Variants in FGF2 observed in about 807,000 individuals in gnomAD.
FGF2 encodes the protein basic fibroblast growth factor bFGF.
FGF2 carries 13 observed loss-of-function variants against 15.9 expected under a neutral mutation model. That is an observed-to-expected ratio of 0.82 (90% confidence interval 0.53 to 1.30). FGF2 has a LOEUF of 1.30. Ranked by LOEUF, FGF2 falls within the 50% of genes most tolerant of loss-of-function variation. The probability of loss-of-function intolerance (pLI) is 0.00; values close to 1 mark genes in which losing one functional copy is unlikely to be tolerated. For missense variants in FGF2, 163 were observed against 196.9 expected (o/e 0.83, Z 1.03); for synonymous variants, 90 against 78.4 (o/e 1.15, Z -0.78).
intron 1 of FGF2, among the ~76,000 whole-genome samples, chr4:122,851,158 G>T (rs952122073): frequency 2.6e-5 from 4 of 152,134 alleles, no homozygotes; most frequent in African/African-American, 9.7e-5. Context: ...TAACAGAGTG[G>T]CATGCTTCAA....
intron 1 of FGF2, among the ~76,000 whole-genome samples, chr4:122,855,254 A>G (rs539858548): frequency 6.6e-6 from 1 of 152,344 alleles, no homozygotes; most frequent in Admixed American, 6.5e-5. Flanking sequence ...GAATTTGCCA[A>G]GAAAAGGCTA....
intron 2 of FGF2, among the ~76,000 whole-genome samples, chr4:122,883,462 A>G (rs575449593): frequency 3.3e-5 from 5 of 152,234 alleles, no homozygotes; most frequent in Non-Finnish European, 7.3e-5. Flanking sequence ...TTCAAAAAAT[A>G]ACTATATTTA....
intron 1 of FGF2, among the ~76,000 whole-genome samples, chr4:122,858,373 A>T (rs988796853): frequency 6.6e-6 from 1 of 151,916 alleles, no homozygotes; most frequent in African/African-American, 2.4e-5. Flanking sequence ...TTTTCAGCAA[A>T]TGAGTTCCTT....
intron 1 of FGF2, among the ~76,000 whole-genome samples, chr4:122,853,408 A>G (rs919087656): frequency 2.0e-5 from 3 of 152,212 alleles, no homozygotes; most frequent in African/African-American, 7.2e-5. Context: ...GAGAGTTTTA[A>G]GTTCATGTAT....
At position 122,827,453 on chromosome 4, in the gene FGF2, C is replaced by G; in HGVS notation, c.178+101C>G. 7.4e-7 allele frequency: 1 copy of G among 1,354,294 alleles called. No individual in the cohort carries two copies. The highest frequency in any genetic ancestry group is 2.4e-5 in the East Asian group (1 of 41,156). The allele number at this position is 1,354,294 out of a possible 1,614,324, so 83.9% of individuals were successfully genotyped here. The stretch of plus-strand genomic sequence containing the variant: ...CCCTCCTCCCGGATCTTCACTGCGA[C>G]CCTAGCGCTCCGTGTGGTTTCTGGC... On this transcript the variant is annotated intron_variant, in intron 1 of 2. Coordinates refer to ENST00000644866, the MANE Select transcript of FGF2 (RefSeq NM_001361665.2). This position sits in a 1 kb window ranked among gnomAD's most constrained non-coding sequence, Gnocchi z 4.2.
chr4:122,827,499 C>A lies in FGF2; in HGVS notation c.178+147C>A, dbSNP rs1725668423. The A allele has an allele frequency of 3.3e-6, 3 of 911,780 alleles. No homozygotes were observed. Among genetic ancestry groups the A allele is most frequent in the Non-Finnish European group, 3.4e-6 (2 of 585,000 alleles). The allele number at this position is 911,780 out of a possible 1,614,324, so 56.5% of individuals were successfully genotyped here. On this transcript the variant is annotated intron_variant, in intron 1 of 2. Transcript: ENST00000644866. This position sits in a 1 kb window ranked among gnomAD's most constrained non-coding sequence, Gnocchi z 4.2. The stretch of plus-strand genomic sequence containing the variant: ...CTGGCCGCGCGGCCCTCGGCGGTTT[C>A]GGGTTCACCACTCACCCCCTCCTTT...
rs538873589 is a variant in FGF2, at chr4:122,861,279, T to A, written c.179-15042T>A. 9.8e-5 allele frequency among the ~76,000 whole-genome samples: 15 copies of A among 152,310 alleles called. No individual in the cohort carries two copies. The East Asian group carries it at 2.9e-3, about 29-fold the overall frequency. On this transcript the variant is annotated intron_variant, in intron 1 of 2. Coordinates refer to ENST00000644866, the MANE Select transcript of FGF2 (RefSeq NM_001361665.2). The stretch of plus-strand genomic sequence containing the variant: ...TTTCTAATAGATTCCTTTTTTGAAC[T>A]CTGGATTCATATAGCTGACTGCTTT...
intron 2 of FGF2, among the ~76,000 whole-genome samples, chr4:122,887,366 A>G (rs1367785971): frequency 6.6e-6 from 1 of 152,170 alleles, no homozygotes; most frequent in East Asian, 1.9e-4. Flanking sequence ...ATTCATACTG[A>G]TATCTCCAAC....
At chr4:122,883,794 C>A (rs72917901) in intron 2 of FGF2, among the ~76,000 whole-genome samples, 5,306 of 152,170 alleles carry the variant, frequency 0.035, 300 homozygotes, top group African/African-American at 0.12. Flanking sequence ...ATGATATACC[C>A]TGAACAAAAT....
intron 1 of FGF2, among the ~76,000 whole-genome samples, chr4:122,873,856 C>T: frequency 6.6e-6 from 1 of 152,164 alleles, no homozygotes; most frequent in East Asian, 1.9e-4. Flanking sequence ...AAGAATCTTA[C>T]ATGTAATGCT....
chr4:122,826,925 C>G lies in FGF2; in HGVS notation c.-250C>G. On this transcript the variant is annotated 5_prime_UTR_variant, in exon 1 of 3. Transcript: ENST00000644866. ...TCCCCAGGCGGCGTCCGCGGAGACA[C>G]CCATCCGTGAACCCCAGGTCCCGGG... 1.3e-6 allele frequency: 2 copies of G among 1,490,542 alleles called. No individual in the cohort carries two copies. The highest frequency in any genetic ancestry group is 1.8e-6 in the Non-Finnish European group (2 of 1,121,398). 92.3% of individuals were successfully genotyped at this position (1,490,542 alleles called of 1,614,324 possible). A position where few individuals can be genotyped will look rare whatever the true frequency, so the allele number is the denominator to read the frequency against.
intron 1 of FGF2, among the ~76,000 whole-genome samples, chr4:122,849,520 C>T (rs1252373886): frequency 6.6e-6 from 1 of 151,968 alleles, no homozygotes; most frequent in Non-Finnish European, 1.5e-5. Flanking sequence ...TTGATGGGTG[C>T]AGCAAACCAC....
At chr4:122,866,950 G>T (rs551895073) in intron 1 of FGF2, among the ~76,000 whole-genome samples, 45 of 152,360 alleles carry the variant, frequency 3.0e-4, no homozygotes, top group African/African-American at 8.9e-4. Flanking sequence ...GCTGCTGAAT[G>T]AATGAATCAA....
At chr4:122,862,097 C>A (rs954485403) in intron 1 of FGF2, among the ~76,000 whole-genome samples, 1 of 152,142 alleles carries the variant, frequency 6.6e-6, no homozygotes, top group African/African-American at 2.4e-5. Flanking sequence ...AGGCTAAAGA[C>A]CAATGTTATA....
rs1408062253 is a variant in FGF2 at position 122,876,385 on chromosome 4, T to G, written c.243T>G (p.Arg81=). Residue 81 remains arginine, a synonymous_variant, in exon 2 of 3, where the codon CGT becomes CGG. Transcript: ENST00000644866. ...VVSIKGVCAN[R]YLAMKEDGRL... is the part of the protein sequence containing the mutation. Reference sequence around the variant, plus strand: ...CTATCAAAGGAGTGTGTGCTAACCGTTACCTGGCTATGAAGGAAGATGGAA... The same window carrying G: ...CTATCAAAGGAGTGTGTGCTAACCGGTACCTGGCTATGAAGGAAGATGGAA... 6.2e-7 allele frequency: 1 copy of G among 1,613,210 alleles called. No individual in the cohort carries two copies. The highest frequency in any genetic ancestry group is 1.7e-5 in the Admixed American group (1 of 59,978).
intron 1 of FGF2, among the ~76,000 whole-genome samples, chr4:122,854,540 T>G (rs1726298595): frequency 6.6e-6 from 1 of 152,212 alleles, no homozygotes; most frequent in Admixed American, 6.5e-5. Context: ...TGTGATCCTG[T>G]TTTATTCCTT....
intron 1 of FGF2, among the ~76,000 whole-genome samples, chr4:122,866,085 A>G (rs1345082230): frequency 6.6e-6 from 1 of 152,156 alleles, no homozygotes; most frequent in Non-Finnish European, 1.5e-5. Flanking sequence ...GAAAGTGAAA[A>G]GAGGCCGGGC....
intron 2 of FGF2, among the ~76,000 whole-genome samples, chr4:122,879,921 A>C (rs1181558345): frequency 1.3e-5 from 2 of 152,218 alleles, no homozygotes; most frequent in Non-Finnish European, 2.9e-5. Flanking sequence ...GTGGGGACAC[A>C]GCCAAACCAT....
chr4:122,882,074 A>G (rs1023924569), intron 2 of FGF2: 1 of 152,186 alleles, frequency 6.6e-6, no homozygotes, highest in Non-Finnish European at 1.5e-5. Context: ...TAAGAACAGC[A>G]CAAGAAAGAC....
Sources: allele counts gnomAD v4.1 joint callset (sites outside exome capture counted in the v4.1 genomes callset), GRCh38; gene constraint gnomAD v4.1.1; non-coding constraint Gnocchi (gnomAD v3.1); transcripts MANE v1.5; gene names NCBI Gene and HGNC (gene_info 2026-07-23, HGNC 2026-07-21).